The following RSRC1 variants were observed in gnomAD, a reference collection of about 807,000 sequenced individuals.
RSRC1 encodes serine/Arginine-related protein 53.
Under a neutral mutation model 49.1 loss-of-function variants are expected in RSRC1, and 39 were observed. That is an observed-to-expected ratio of 0.79 (90% confidence interval 0.61 to 1.04). RSRC1 has a LOEUF of 1.04. RSRC1 is among the 50% of genes least tolerant of loss of function. The pLI is 0.00. For synonymous variants in RSRC1, 143 were observed against 130.8 expected (o/e 1.09, Z -0.63); for missense variants, 388 against 402.4 (o/e 0.96, Z 0.31).
intron 4 of RSRC1, among the ~76,000 whole-genome samples, chr3:158,290,921 C>T (rs974476284): frequency 8.5e-5 from 13 of 152,114 alleles, no homozygotes; most frequent in South Asian, 4.1e-4. Context: ...TGGCCAGGTG[C>T]GGTGGCTCAC....
At chr3:158,207,900 T>C (rs1433945383) in intron 4 of RSRC1, among the ~76,000 whole-genome samples, 2 of 152,178 alleles carry the variant, frequency 1.3e-5, no homozygotes, top group African/African-American at 4.8e-5. Flanking sequence ...AAACCCTTTT[T>C]AAATAACAGC....
At chr3:158,388,619 T>TG (rs1733093396) in intron 6 of RSRC1, among the ~76,000 whole-genome samples, 2 of 151,464 alleles carry the variant, frequency 1.3e-5, no homozygotes, top group African/African-American at 2.4e-5. Context: ...TTTGTTTTTT[T>TG]TTTTTTTTTG....
intron 5 of RSRC1, among the ~76,000 whole-genome samples, chr3:158,329,454 C>T (rs1222785980): frequency 6.6e-6 from 1 of 152,340 alleles, no homozygotes; most frequent in East Asian, 1.9e-4. Flanking sequence ...TTTCTTCTAA[C>T]AGTCAGGACC....
intron 6 of RSRC1, among the ~76,000 whole-genome samples, chr3:158,421,426 G>A (rs1402437969): frequency 6.6e-6 from 1 of 151,868 alleles, no homozygotes; most frequent in Admixed American, 6.6e-5. Flanking sequence ...AGTGGTAGTG[G>A]GAATGAGGTT....
At chr3:158,486,060 G>A (rs1020553777) in intron 7 of RSRC1, among the ~76,000 whole-genome samples, 16 of 152,216 alleles carry the variant, frequency 1.1e-4, no homozygotes, top group African/African-American at 3.4e-4. Context: ...ATTTCTCTAA[G>A]TATTTAGCAA....
chr3:158,147,758 A>G (rs1055848593), intron 3 of RSRC1, among the ~76,000 whole-genome samples: 1 of 152,194 alleles, frequency 6.6e-6, no homozygotes, highest in Non-Finnish European at 1.5e-5. Flanking sequence ...TGTACGTTTT[A>G]GAAGTATACA....
intron 7 of RSRC1, among the ~76,000 whole-genome samples, chr3:158,515,032 C>T (rs1470245992): frequency 6.6e-6 from 1 of 150,820 alleles, no homozygotes; most frequent in Non-Finnish European, 1.5e-5. Context: ...AGATGGGTTT[C>T]CTGAATACAG....
chr3:158,525,032 A>G (rs185295888), intron 7 of RSRC1, among the ~76,000 whole-genome samples: 419 of 152,160 alleles, frequency 2.8e-3, no homozygotes, highest in African/African-American at 9.9e-3. Context: ...TTTTTGGATA[A>G]GACACAAAAA....
rs1176663219 is a variant in RSRC1 at position 158,188,519 on chromosome 3, A to G, written c.321-14553A>G. Reference sequence around the variant, plus strand: ...TATCATCTGGAAAGTTTCTAAAGGCAGTAAACTGAGGCACACCTAAGGTTC... The same window carrying G: ...TATCATCTGGAAAGTTTCTAAAGGCGGTAAACTGAGGCACACCTAAGGTTC... On this transcript the variant is annotated intron_variant, in intron 3 of 9. Coordinates refer to ENST00000611884, the MANE Select transcript of RSRC1 (RefSeq NM_001271838.2). Among the ~76,000 whole-genome samples, 3 of 152,002 alleles carry G rather than the reference A, an allele frequency of 2.0e-5. No individual in the cohort carries two copies. The East Asian group carries it at 5.8e-4, about 29-fold the overall frequency.
At position 158,149,259 on chromosome 3, in the gene RSRC1, A is replaced by G. The variant is rs559327105; in HGVS notation, c.320+25268A>G. Among the ~76,000 whole-genome samples, 10 of 152,072 alleles carry G rather than the reference A, an allele frequency of 6.6e-5. No individual in the cohort carries two copies. In the East Asian group the frequency reaches 1.9e-3, roughly 29 times the overall value. On this transcript the variant is annotated intron_variant, in intron 3 of 9. Coordinates refer to ENST00000611884, the MANE Select transcript of RSRC1 (RefSeq NM_001271838.2). Reference sequence around the variant, plus strand: ...CCTTTGATATTTCTATTTTAGCTTTAGTTCTTTCTTCTAACTGCATCATTT... The same window carrying G: ...CCTTTGATATTTCTATTTTAGCTTTGGTTCTTTCTTCTAACTGCATCATTT...
chr3:158,197,578 G>T (rs116369751), intron 3 of RSRC1, among the ~76,000 whole-genome samples: 11,626 of 150,912 alleles, frequency 0.077, 532 homozygotes, highest in South Asian at 0.13. Flanking sequence ...CTCTAGTTGT[G>T]ATGTTAGGAT....
chr3:158,478,075 A>C (rs1029724193), intron 7 of RSRC1, among the ~76,000 whole-genome samples: 1 of 151,566 alleles, frequency 6.6e-6, no homozygotes, highest in Non-Finnish European at 1.5e-5. Context: ...ATTAAAAATA[A>C]TAAAAAATAA....
chr3:158,322,748 A>T (rs1365129566), intron 5 of RSRC1, among the ~76,000 whole-genome samples: 1 of 152,032 alleles, frequency 6.6e-6, no homozygotes, highest in African/African-American at 2.4e-5. Flanking sequence ...GTATGTTAGG[A>T]TATTTGATGT....
chr3:158,459,151 A>T (rs1028369570), intron 6 of RSRC1, among the ~76,000 whole-genome samples: 15 of 152,284 alleles, frequency 9.9e-5, no homozygotes, highest in Non-Finnish European at 1.8e-4. Context: ...GGAGCTCTTG[A>T]TTGACAGTTT....
At chr3:158,174,065 G>A (rs567132484) in intron 3 of RSRC1, among the ~76,000 whole-genome samples, 33 of 151,782 alleles carry the variant, frequency 2.2e-4, no homozygotes, top group Non-Finnish European at 3.8e-4. Flanking sequence ...AAGTCATTGA[G>A]TTTTACATAT....
intron 5 of RSRC1, among the ~76,000 whole-genome samples, chr3:158,320,182 T>G (rs1458567717): frequency 6.6e-6 from 1 of 152,202 alleles, no homozygotes; most frequent in Non-Finnish European, 1.5e-5. Flanking sequence ...ATAAGACTTA[T>G]CTTAGGAAAT....
intron 4 of RSRC1, among the ~76,000 whole-genome samples, chr3:158,293,128 A>T (rs1028312578): frequency 6.6e-6 from 1 of 152,140 alleles, no homozygotes. Flanking sequence ...AGGTGTCCCA[A>T]TGTGATATGT....
chr3:158,231,541 G>C (rs1242374178), intron 4 of RSRC1, among the ~76,000 whole-genome samples: 7 of 152,024 alleles, frequency 4.6e-5, no homozygotes, highest in Admixed American at 3.9e-4. Flanking sequence ...CTAATTCTCT[G>C]GTCACGTGTG....
At chr3:158,301,179 T>C (rs1035648949) in intron 5 of RSRC1, among the ~76,000 whole-genome samples, 2 of 152,176 alleles carry the variant, frequency 1.3e-5, no homozygotes, top group Non-Finnish European at 2.9e-5. Context: ...AATAATGTAC[T>C]GTCTAATACC....
Sources: allele counts gnomAD v4.1 joint callset (sites outside exome capture counted in the v4.1 genomes callset), GRCh38; gene constraint gnomAD v4.1.1; transcripts MANE v1.5; gene names NCBI Gene and HGNC (gene_info 2026-07-23, HGNC 2026-07-21).